Variants in TNIP1 observed in about 807,000 individuals in gnomAD.
TNIP1 encodes TNFAIP3-interacting protein 1.
TNIP1 carries 22 observed loss-of-function variants against 86.6 expected under a neutral mutation model. The ratio of observed to expected loss-of-function variants is 0.25; its 90% CI spans 0.18 to 0.36. TNIP1 has a LOEUF of 0.36. TNIP1 is among the 10% of genes least tolerant of loss of function. The pLI is 1.00. For synonymous variants in TNIP1, 294 were observed against 313.0 expected (o/e 0.94, Z 0.64); for missense variants, 709 against 820.6 (o/e 0.86, Z 1.66).
At chr5:151,036,114 C>A (rs1404217817) in intron 13 of TNIP1, among the ~76,000 whole-genome samples, 6 of 152,270 alleles carry the variant, frequency 3.9e-5, no homozygotes, top group Non-Finnish European at 7.4e-5. Flanking sequence ...GGTGCCCTGG[C>A]AGAGGTGGGT....
chr5:151,042,703 G>A (rs1269048534), intron 10 of TNIP1, 32 bp from the exon 11 acceptor site: 1 of 1,612,912 alleles, frequency 6.2e-7, no homozygotes, highest in Non-Finnish European at 8.5e-7. Context: ...AGTGTGTGAG[G>A]CAAGGATGTA....
intron 11 of TNIP1, among the ~76,000 whole-genome samples, chr5:151,040,235 C>T (rs1221336980): frequency 6.6e-6 from 1 of 152,192 alleles, no homozygotes; most frequent in Non-Finnish European, 1.5e-5. Context: ...ACAGTGGTTC[C>T]CTCTAGGGAG....
chr5:151,085,765 T>C (rs1422623622), upstream of TNIP1, among the ~76,000 whole-genome samples: 2 of 152,204 alleles, frequency 1.3e-5, no homozygotes, highest in Non-Finnish European at 2.9e-5. Context: ...TTGCCCCTTG[T>C]CATCCTCCTG....
At chr5:151,033,838 G>T (rs758021000) in intron 15 of TNIP1, 39 bp from the exon 16 acceptor site, 1 of 1,371,236 alleles carries the variant, frequency 7.3e-7, no homozygotes, top group East Asian at 2.8e-5. Flanking sequence ...GCCTGCAACA[G>T]GCTGCAAAGG....
At chr5:151,079,305 C>T (rs1429693173) in intron 1 of TNIP1, among the ~76,000 whole-genome samples, 1 of 152,166 alleles carries the variant, frequency 6.6e-6, no homozygotes, top group Non-Finnish European at 1.5e-5. Flanking sequence ...TCAGTTTCCT[C>T]ATCTGAAAAT....
intron 17 of TNIP1, 45 bp from the exon 18 acceptor site, chr5:151,030,792 G>A (rs375194956): frequency 1.3e-6 from 2 of 1,510,322 alleles, no homozygotes; most frequent in Non-Finnish European, 1.8e-6. Context: ...ATGTGGTAGA[G>A]CGAGTTTCAA....
chr5:151,074,687 A>G (rs1030310178), intron 1 of TNIP1, among the ~76,000 whole-genome samples: 6 of 152,230 alleles, frequency 3.9e-5, no homozygotes, highest in African/African-American at 1.4e-4. Context: ...GCTGAAAGCT[A>G]CCTAAAATGA....
intron 3 of TNIP1, 47 bp from the exon 4 acceptor site, chr5:151,062,259 G>GC: frequency 6.4e-7 from 1 of 1,559,054 alleles, no homozygotes. Flanking sequence ...AAGGGGAGAA[G>GC]CCCAGGTACC....
At chr5:151,056,432 G>A (rs769510551) in intron 6 of TNIP1, among the ~76,000 whole-genome samples, 9 of 152,188 alleles carry the variant, frequency 5.9e-5, no homozygotes, top group Non-Finnish European at 1.0e-4. Context: ...ACCCTGGGGG[G>A]AAAGAGGCAT....
At chr5:151,058,792 G>A (rs1761012548) in intron 5 of TNIP1, among the ~76,000 whole-genome samples, 1 of 152,148 alleles carries the variant, frequency 6.6e-6, no homozygotes, top group African/African-American at 2.4e-5. Flanking sequence ...CTTGCCCAAA[G>A]TTGCCCTGTA....
At chr5:151,058,266 T>C (rs2113636874) in intron 5 of TNIP1, among the ~76,000 whole-genome samples, 1 of 152,336 alleles carries the variant, frequency 6.6e-6, no homozygotes, top group Middle Eastern at 3.4e-3. Flanking sequence ...CATCAGCTTC[T>C]GAGGACCCAA....
chr5:151,035,535 C>G, intron 14 of TNIP1, 47 bp downstream of exon 14: 6 of 1,613,528 alleles, frequency 3.7e-6, no homozygotes, highest in Non-Finnish European at 5.1e-6. Flanking sequence ...GCCCCCTCTC[C>G]CCACGAGGAC....
intron 5 of TNIP1, among the ~76,000 whole-genome samples, chr5:151,058,084 C>G (rs1033651186): frequency 6.6e-6 from 1 of 152,168 alleles, no homozygotes; most frequent in East Asian, 1.9e-4. Flanking sequence ...CTACACCAAG[C>G]TAATTTTTGT....
chr5:151,078,817 C>A (rs887026337), intron 1 of TNIP1, among the ~76,000 whole-genome samples: 1 of 152,154 alleles, frequency 6.6e-6, no homozygotes, highest in East Asian at 1.9e-4. Context: ...CAAATCACAG[C>A]GGGTACAGGA....
chr5:151,044,762 A>G (rs1758916289), intron 9 of TNIP1, among the ~76,000 whole-genome samples: 1 of 152,078 alleles, frequency 6.6e-6, no homozygotes, highest in African/African-American at 2.4e-5. Flanking sequence ...ACTGGACTAG[A>G]CTGGGGGTGT....
intron 11 of TNIP1, among the ~76,000 whole-genome samples, chr5:151,041,356 C>T (rs575638071): frequency 2.0e-5 from 3 of 152,280 alleles, no homozygotes; most frequent in East Asian, 3.9e-4. Context: ...CAGGCATGAG[C>T]CACCATGCCT....
chr5:151,083,137 A>G (rs1419297693), upstream of TNIP1, among the ~76,000 whole-genome samples: 1 of 152,216 alleles, frequency 6.6e-6, no homozygotes, highest in Non-Finnish European at 1.5e-5. Context: ...AACACAGGCT[A>G]TGAATTGAGC....
At chr5:151,056,656 G>T in intron 6 of TNIP1, 110 bp downstream of exon 6, 1 of 1,105,372 alleles carries the variant, frequency 9.0e-7, no homozygotes, top group Non-Finnish European at 1.2e-6. Context: ...CCACAACACA[G>T]CCTTCAGAAG....
intron 4 of TNIP1, among the ~76,000 whole-genome samples, chr5:151,061,531 G>A (rs1264969050): frequency 1.3e-5 from 2 of 151,100 alleles, no homozygotes; most frequent in Admixed American, 6.6e-5. Context: ...AGGCTGGAGT[G>A]TGGTGGCATC....
Sources: gnomAD v4.1 joint callset for allele counts (sites outside exome capture counted in the v4.1 genomes callset) on GRCh38, gnomAD v4.1.1 for gene constraint, MANE v1.5 for transcripts, NCBI Gene and HGNC (gene_info 2026-07-23, HGNC 2026-07-21) for gene names.